PLEK: variants seen among roughly 807,000 people sequenced by gnomAD.
PLEK encodes pleckstrin, also known as platelet 47 kDa protein.
In PLEK, 25 loss-of-function variants were observed where a neutral mutation model predicts 43.9. That is an observed-to-expected ratio of 0.57 (90% CI 0.41 to 0.79). The LOEUF is 0.79. Among genes scored for constraint, PLEK ranks in the 30% least tolerant of loss-of-function variants. The pLI is 0.00. For missense variants in PLEK, 396 were observed against 413.3 expected, an observed-to-expected ratio of 0.96 and a Z score of 0.36; for synonymous variants, 152 against 144.4, an observed-to-expected ratio of 1.05 and a Z score of -0.38.
intron 3 of PLEK, among the ~76,000 whole-genome samples, chr2:68,381,154 AG>A (rs1673605956): frequency 6.6e-6 from 1 of 152,182 alleles, no homozygotes; most frequent in African/African-American, 2.4e-5. Context: ...AGAGAGAGAG[AG>A]AGAAAGAAAC....
chr2:68,366,075 C>T (rs970040942), intron 1 of PLEK, among the ~76,000 whole-genome samples: 6 of 152,118 alleles, frequency 3.9e-5, no homozygotes, highest in South Asian at 4.1e-4. Flanking sequence ...TGTCTTTCTT[C>T]GGATGCTGAG....
rs200018554 is a variant in PLEK, at chr2:68,395,758, C to A, written c.995C>A (p.Pro332His). The A allele has an allele frequency of 1.9e-6, 3 of 1,613,840 alleles. No homozygotes were observed. The highest frequency in any genetic ancestry group is 2.2e-5 in the East Asian group (1 of 44,860). Residue 332 changes from proline (P) to histidine (H), a missense_variant, in exon 9 of 9, where the codon CCC becomes CAC. By Grantham distance (77) the Pro-to-His change is moderately conservative (BLOSUM62 -2). Transcript: ENST00000234313. The part of the protein sequence containing the change: ...EVHYFLQAAT[P>H]KERTEWIRAI... ...CACTATTTCTTGCAAGCAGCCACCCCCAAGGAGCGCACAGAGTGGATCAGA... is the reference window on the plus strand; with the variant it reads ...CACTATTTCTTGCAAGCAGCCACCCACAAGGAGCGCACAGAGTGGATCAGA...
chr2:68,382,441 C>A, intron 3 of PLEK, 101 bp from the exon 4 acceptor site: 1 of 685,874 alleles, frequency 1.5e-6, no homozygotes, highest in Non-Finnish European at 2.5e-6. Context: ...GGAGCTTGTG[C>A]TCACCTCCCA....
At chr2:68,366,397 G>A (rs1452712544) in intron 1 of PLEK, among the ~76,000 whole-genome samples, 1 of 152,216 alleles carries the variant, frequency 6.6e-6, no homozygotes, top group African/African-American at 2.4e-5. Context: ...AGGGACCCTA[G>A]GTCATCTGGC....
intron 1 of PLEK, chr2:68,365,605 C>T (rs1573065553): frequency 4.7e-5 from 24 of 510,374 alleles, no homozygotes; most frequent in East Asian, 4.1e-4. Flanking sequence ...TTTGATATTA[C>T]GGGTCTGAGA....
intron 3 of PLEK, among the ~76,000 whole-genome samples, chr2:68,381,720 C>G (rs1010935999): frequency 3.9e-5 from 6 of 152,210 alleles, no homozygotes; most frequent in African/African-American, 1.2e-4. Context: ...CATGACGACA[C>G]AAGACTTGGC....
At position 68,380,624 on chromosome 2, in the gene PLEK, T is replaced by C. The variant is rs183659117; in HGVS notation, c.199-99T>C. The C allele has an allele frequency of 2.3e-3, 3,296 of 1,445,924 alleles. 8 individuals carry two copies. Among genetic ancestry groups the C allele is most frequent in the Non-Finnish European group, 2.9e-3 (3,017 of 1,057,548 alleles). The allele number at this position is 1,445,924 out of a possible 1,614,324, so 89.6% of individuals were successfully genotyped here. ...CACCCCACCCTGGCATTTGGGTTTC[T>C]CTTGGCTAGAAGAGGTTTAGGCCAA... On this transcript the variant is annotated intron_variant, in intron 2 of 8. Transcript: ENST00000234313.
chr2:68,377,755 G>A (rs1416241708), intron 1 of PLEK, among the ~76,000 whole-genome samples: 1 of 152,070 alleles, frequency 6.6e-6, no homozygotes, highest in Non-Finnish European at 1.5e-5. Context: ...TTCCTTTGCT[G>A]TGCAAAAGCT....
At chr2:68,365,417 G>T (rs1262838128) in intron 1 of PLEK, 24 bp downstream of exon 1, 2 of 1,594,660 alleles carry the variant, frequency 1.3e-6, no homozygotes, top group Non-Finnish European at 1.7e-6. Context: ...CCACTTACCA[G>T]GGTGTCAGTG....
chr2:68,388,626 T>A (rs1198168867), intron 6 of PLEK, 135 bp downstream of exon 6: 2 of 558,052 alleles, frequency 3.6e-6, no homozygotes, highest in Admixed American at 2.8e-5. Context: ...GAAAGATAGA[T>A]GAGTAGCTCT....
chr2:68,395,542 G>C (rs944615979), intron 8 of PLEK, 138 bp from the exon 9 acceptor site: 2 of 826,256 alleles, frequency 2.4e-6, no homozygotes, highest in Admixed American at 1.9e-5. Context: ...ATCATACCTT[G>C]TTTGTATGTT....
At chr2:68,386,995 T>C (rs1479115265) in intron 5 of PLEK, among the ~76,000 whole-genome samples, 1 of 152,164 alleles carries the variant, frequency 6.6e-6, no homozygotes, top group African/African-American at 2.4e-5. Flanking sequence ...TATTGTTTCC[T>C]ATTTACTTAT....
intron 1 of PLEK, among the ~76,000 whole-genome samples, chr2:68,377,947 C>T (rs1673535878): frequency 6.6e-6 from 1 of 152,082 alleles, no homozygotes; most frequent in Admixed American, 6.6e-5. Flanking sequence ...GAACACCTGA[C>T]AATATGATGG....
At chr2:68,385,526 G>C (rs1051943113) in intron 4 of PLEK, among the ~76,000 whole-genome samples, 1 of 151,942 alleles carries the variant, frequency 6.6e-6, no homozygotes, top group Admixed American at 6.6e-5. Flanking sequence ...ATTTCTTACT[G>C]TGCCATCAAA....
chr2:68,383,189 CTCTG>C (rs1673665391), intron 4 of PLEK, among the ~76,000 whole-genome samples: 3 of 152,194 alleles, frequency 2.0e-5, no homozygotes, highest in African/African-American at 4.8e-5. Context: ...GCTTCACTTT[CTCTG>C]TCTATTTAGT....
At chr2:68,381,435 G>C (rs1673613396) in intron 3 of PLEK, among the ~76,000 whole-genome samples, 1 of 152,180 alleles carries the variant, frequency 6.6e-6, no homozygotes, top group Non-Finnish European at 1.5e-5. Flanking sequence ...GTGGTCAGAG[G>C]CCAACAGGAA....
intron 6 of PLEK, among the ~76,000 whole-genome samples, chr2:68,390,201 C>T (rs140699094): frequency 6.6e-6 from 1 of 152,304 alleles, no homozygotes; most frequent in Non-Finnish European, 1.5e-5. Context: ...CCTTTGCCTT[C>T]CTTTGTCTGG....
chr2:68,377,848 A>G (rs758030712), intron 1 of PLEK, among the ~76,000 whole-genome samples: 6 of 152,214 alleles, frequency 3.9e-5, no homozygotes, highest in African/African-American at 7.2e-5. Flanking sequence ...ATTTTTGGCC[A>G]GACCAATGTC....
chr2:68,367,376 T>A lies in PLEK; in HGVS notation c.42+1983T>A, dbSNP rs181173434. 1.7e-4 allele frequency among the ~76,000 whole-genome samples: 26 copies of A among 152,312 alleles called. No homozygotes were observed. The East Asian group carries it at 3.3e-3, about 19-fold the overall frequency. The stretch of plus-strand genomic sequence containing the variant: ...ACAGATCATTTTGTTACCTAAGTAC[T>A]ATGCCTAGTATCCAATAGTTATTTT... On this transcript the variant is annotated intron_variant, in intron 1 of 8. Transcript: ENST00000234313.
Sources: gnomAD v4.1 joint callset for allele counts (sites outside exome capture counted in the v4.1 genomes callset) on GRCh38, gnomAD v4.1.1 for gene constraint, MANE v1.5 for transcripts, NCBI Gene and HGNC (gene_info 2026-07-23, HGNC 2026-07-21) for gene names.